The following KIAA1671 variants were observed in gnomAD, a reference collection of about 807,000 sequenced individuals.
KIAA1671 encodes the protein KIAA1671, also known as uncharacterized protein KIAA1671.
In KIAA1671, 52 loss-of-function variants were observed where a neutral mutation model predicts 131.2. That is an observed-to-expected ratio of 0.40 (90% CI 0.32 to 0.50). The LOEUF is 0.50. Among genes scored for constraint, KIAA1671 ranks in the 20% least tolerant of loss-of-function variants. The pLI is 0.73. For missense variants in KIAA1671, 2,360 were observed against 2,364.2 expected, an observed-to-expected ratio of 1.00 and a Z score of 0.04; for synonymous variants, 1,003 against 961.6, an observed-to-expected ratio of 1.04 and a Z score of -0.80.
chr22:25,153,020 A>G (rs1933101384), intron 6 of KIAA1671, among the ~76,000 whole-genome samples: 2 of 152,108 alleles, frequency 1.3e-5, no homozygotes, highest in African/African-American at 4.8e-5. Flanking sequence ...TCACATGTTC[A>G]TGAACCTTGT....
chr22:24,999,030 G>A (rs1924293771), intron 1 of KIAA1671, among the ~76,000 whole-genome samples: 1 of 152,034 alleles, frequency 6.6e-6, no homozygotes, highest in South Asian at 2.1e-4. Flanking sequence ...AGATACCTAG[G>A]AGTGGAATTG....
intron 1 of KIAA1671, among the ~76,000 whole-genome samples, chr22:25,005,346 TAAAAAAA>T (rs569086369): frequency 2.7e-5 from 3 of 111,508 alleles, no homozygotes; most frequent in Admixed American, 1.0e-4. Flanking sequence ...AGACTCCATC[TAAAAAAA>T]AAAAAAAAAA....
intron 6 of KIAA1671, among the ~76,000 whole-genome samples, chr22:25,097,066 T>C (rs1930426429): frequency 6.6e-6 from 1 of 152,238 alleles, no homozygotes; most frequent in African/African-American, 2.4e-5. Context: ...TGAATGAAGC[T>C]GCTATGAACA....
At chr22:24,973,983 T>G (rs541324328) in intron 1 of KIAA1671, among the ~76,000 whole-genome samples, 16 of 152,144 alleles carry the variant, frequency 1.1e-4, no homozygotes, top group African/African-American at 2.9e-4. Context: ...GGCCTGGCTC[T>G]GCCCACCCTC....
intron 6 of KIAA1671, among the ~76,000 whole-genome samples, chr22:25,149,465 C>T (rs773647365): frequency 3.9e-5 from 6 of 152,106 alleles, no homozygotes; most frequent in African/African-American, 1.4e-4. Context: ...TGATCACCAT[C>T]CCTGGCTTGA....
At chr22:25,041,701 C>T (rs901606266) in intron 5 of KIAA1671, among the ~76,000 whole-genome samples, 176 bp downstream of exon 5, 1 of 152,124 alleles carries the variant, frequency 6.6e-6, no homozygotes, top group African/African-American at 2.4e-5. Flanking sequence ...CATGCCCTAT[C>T]TGAACTGGAC....
chr22:25,155,092 C>T (rs974508627), intron 6 of KIAA1671, among the ~76,000 whole-genome samples: 3 of 152,204 alleles, frequency 2.0e-5, no homozygotes, highest in African/African-American at 7.2e-5. Context: ...TTTGATTAAT[C>T]AGCGGACCTC....
At chr22:25,031,017 G>C (rs1176161388) in intron 3 of KIAA1671, among the ~76,000 whole-genome samples, 11 of 151,912 alleles carry the variant, frequency 7.2e-5, no homozygotes, top group African/African-American at 2.7e-4. Flanking sequence ...GTTCTATTTT[G>C]GTAGTTTTTA....
chr22:25,130,244 G>C (rs1444149345), intron 6 of KIAA1671, among the ~76,000 whole-genome samples: 1 of 152,118 alleles, frequency 6.6e-6, no homozygotes, highest in Non-Finnish European at 1.5e-5. Context: ...CTTGAGTTTT[G>C]ACAAATGCAC....
intron 1 of KIAA1671, among the ~76,000 whole-genome samples, chr22:24,998,752 C>T (rs1003053004): frequency 3.4e-5 from 5 of 148,814 alleles, no homozygotes; most frequent in Non-Finnish European, 7.4e-5. Context: ...GCATTTAATA[C>T]TCTCATAAAT....
At chr22:25,167,984 T>C (rs1933702620) in intron 6 of KIAA1671, among the ~76,000 whole-genome samples, 1 of 152,100 alleles carries the variant, frequency 6.6e-6, no homozygotes, top group Non-Finnish European at 1.5e-5. Context: ...TCTCTGCAAT[T>C]CAGAGAGGGA....
At chr22:25,154,894 G>A (rs775485610) in intron 6 of KIAA1671, among the ~76,000 whole-genome samples, 1 of 152,168 alleles carries the variant, frequency 6.6e-6, no homozygotes, top group Non-Finnish European at 1.5e-5. Flanking sequence ...AAAATAGTAG[G>A]CTCTTAATAG....
chr22:25,152,527 T>G (rs1005978429), intron 6 of KIAA1671, among the ~76,000 whole-genome samples: 1 of 152,182 alleles, frequency 6.6e-6, no homozygotes, highest in Non-Finnish European at 1.5e-5. Context: ...AGTTTTCTCC[T>G]GTATAAATGC....
chr22:25,011,634 CTTTTTTTTTTT>C (rs35127110), intron 1 of KIAA1671: 7 of 87,760 alleles, frequency 8.0e-5, no homozygotes, highest in Non-Finnish European at 1.3e-4. Flanking sequence ...CTTTTCTTTT[CTTTTTTTTTTT>C]TTTTTTTTTG....
intron 6 of KIAA1671, among the ~76,000 whole-genome samples, chr22:25,132,852 C>T (rs1287134451): frequency 6.6e-6 from 1 of 152,010 alleles, no homozygotes; most frequent in East Asian, 1.9e-4. Flanking sequence ...GTTAGGAGTT[C>T]GAGACCAGCC....
intron 6 of KIAA1671, among the ~76,000 whole-genome samples, chr22:25,161,701 A>G (rs1933449644): frequency 6.6e-6 from 1 of 152,150 alleles, no homozygotes; most frequent in Non-Finnish European, 1.5e-5. Flanking sequence ...CTGGGCGTGC[A>G]GGGTGGATGT....
chr22:25,112,443 A>G, intron 6 of KIAA1671: 1 of 399,078 alleles, frequency 2.5e-6, no homozygotes. Context: ...AGGCATACAG[A>G]TTCGGAACCG....
At chr22:25,058,525 T>C (rs985522797) in intron 6 of KIAA1671, 2 of 152,192 alleles carry the variant, frequency 1.3e-5, no homozygotes, top group African/African-American at 4.8e-5. Context: ...CAGTATTTTT[T>C]AGAGATCCCC....
intron 10 of KIAA1671, among the ~76,000 whole-genome samples, chr22:25,184,559 T>C (rs1398243331): frequency 6.6e-6 from 1 of 152,198 alleles, no homozygotes; most frequent in Non-Finnish European, 1.5e-5. Flanking sequence ...CCTCCGGTTT[T>C]CTTATGGGAC....
Sources: gnomAD v4.1 joint callset for allele counts (sites outside exome capture counted in the v4.1 genomes callset) on GRCh38, gnomAD v4.1.1 for gene constraint, MANE v1.5 for transcripts, NCBI Gene and HGNC (gene_info 2026-07-23, HGNC 2026-07-21) for gene names.